The following CASP1 variants were observed in gnomAD, a reference collection of about 807,000 sequenced individuals.
The protein encoded by CASP1 is caspase-1.
CASP1 carries 31 observed loss-of-function variants against 41.2 expected under a neutral mutation model. The observed-to-expected ratio is 0.75, with a 90% CI of 0.57 to 1.02. CASP1 has a LOEUF of 1.02. Ranked by LOEUF, CASP1 falls within the 50% of genes least tolerant of loss-of-function variation. CASP1 has a pLI of 0.00. For missense variants in CASP1, 490 were observed against 495.7 expected, an observed-to-expected ratio of 0.99 and a Z score of 0.11; for synonymous variants, 163 against 166.5, an observed-to-expected ratio of 0.98 and a Z score of 0.16.
At chr11:105,027,037 G>T in intron 7 of CASP1, 86 bp from the exon 8 acceptor site, 1 of 805,992 alleles carries the variant, frequency 1.2e-6, no homozygotes, top group Admixed American at 1.8e-5. Context: ...TCCAGCTGAG[G>T]GATGTTTGAA....
intron 4 of CASP1, chr11:105,030,753 T>A (rs1213861778): frequency 6.8e-6 from 3 of 443,794 alleles, no homozygotes; most frequent in African/African-American, 6.1e-5. Flanking sequence ...TGCACAAGCT[T>A]TGAAGCAAAA....
chr11:105,029,894 C>A lies in CASP1; in HGVS notation c.633G>T (p.Met211Ile). Residue 211 changes from methionine to isoleucine, a missense_variant, in exon 6 of 9, where the codon ATG (methionine) becomes ATT (isoleucine). By Grantham distance (10) the Met-to-Ile change is conservative. Transcript: ENST00000533400. Reference sequence around the variant, plus strand: ...GTGCAAATGCCTCCAGCTCTGTAGTCATGTCCTGAAAGACACCATATCACT... The same window carrying A: ...GTGCAAATGCCTCCAGCTCTGTAGTAATGTCCTGAAAGACACCATATCACT... Reference protein sequence around the residue: ...DVKKNLTASDMTTELEAFAHR... With the variant: ...DVKKNLTASDITTELEAFAHR... 1 of 1,610,922 alleles carries A rather than the reference C, an allele frequency of 6.2e-7. No individual in the cohort carries two copies.
In CASP1 at chr11:105,030,337, G is replaced by A. The variant is rs373584770; in HGVS notation, c.620C>T (p.Thr207Ile). The change falls in exon 5 of 9, where the codon ACT (threonine) becomes ATT (isoleucine). Residue 207 changes from threonine to isoleucine, a missense_variant. By Grantham distance (89) the Thr-to-Ile change is moderately conservative (BLOSUM62 -1). Transcript: ENST00000533400. ...TTGTATAATAGAACTTACCGAAGCA[G>A]TGAGATTTTTTTTCACATCTACGCT... Reference protein sequence around the residue: ...GYSVDVKKNLTASDMTTELEA... With the variant: ...GYSVDVKKNLIASDMTTELEA... 6.2e-6 allele frequency: 10 copies of A among 1,611,562 alleles called. No homozygotes were observed. Among genetic ancestry groups the A allele is most frequent in the Non-Finnish European group, 8.5e-6 (10 of 1,178,720 alleles).
intron 7 of CASP1, among the ~76,000 whole-genome samples, chr11:105,028,496 T>G (rs1209571530): frequency 6.6e-6 from 1 of 152,116 alleles, no homozygotes; most frequent in African/African-American, 2.4e-5. Flanking sequence ...TTCAAATATA[T>G]TAATTTATTA....
Position 105,033,072 on chromosome 11 carries a change from GA to G in CASP1, c.328del (p.Ser110ProfsTer29). 6.3e-7 allele frequency: 1 copy of G among 1,576,226 alleles called. No homozygotes were observed. The highest frequency in any genetic ancestry group is 8.7e-7 in the Non-Finnish European group (1 of 1,147,674). On this transcript the variant is annotated frameshift_variant, in exon 3 of 9. Transcript: ENST00000533400. LOFTEE classifies it high-confidence loss of function. The stretch of plus-strand genomic sequence containing the variant: ...TTTAAAAACAGCATTACCTGGAAAG[GA>G]AGAAAGTACTCCTTGAGAGTCTTGC... ...NMQDSQGVLS[S>X]FPAPQAVQDN...
In CASP1 at chr11:105,026,157, T is replaced by C. The variant is rs1466446905; in HGVS notation, c.*101A>G. ...GGATTCTCAGCCTGTAAACCTAGAG[T>C]TCTTGACTCAAATGGACTTTCAGTA... On this transcript the variant is annotated 3_prime_UTR_variant, in exon 9 of 9. Transcript: ENST00000533400. 2.1e-5 allele frequency: 15 copies of C among 717,892 alleles called. No individual in the cohort carries two copies. The highest frequency in any genetic ancestry group is 2.6e-5 in the Non-Finnish European group (11 of 421,402). 44.5% of individuals were successfully genotyped at this position (717,892 alleles called of 1,614,324 possible).
intron 5 of CASP1, 80 bp from the exon 6 acceptor site, chr11:105,029,979 A>T: frequency 9.1e-7 from 1 of 1,097,218 alleles, no homozygotes; most frequent in Non-Finnish European, 1.4e-6. Context: ...ATAAATACTT[A>T]AGGAGTTTCT....
intron 5 of CASP1, 66 bp from the exon 6 acceptor site, chr11:105,029,965 A>G (rs568182657): frequency 1.7e-6 from 2 of 1,180,800 alleles, no homozygotes; most frequent in East Asian, 4.7e-5. Context: ...TGGAAAGTCA[A>G]TAAATAAATA....
chr11:105,026,460 G>A (rs1473327918), intron 8 of CASP1, 104 bp from the exon 9 acceptor site: 37 of 717,728 alleles, frequency 5.2e-5, no homozygotes, highest in Middle Eastern at 2.4e-4. Context: ...AGCAAAATAA[G>A]TGACAAAAAC....
chr11:105,035,242 C>T (rs977473022), upstream of CASP1: 20 of 1,291,900 alleles, frequency 1.5e-5, no homozygotes, highest in Non-Finnish European at 2.2e-5. Flanking sequence ...ATTTTTCTTC[C>T]CATTAAAGAA....
intron 7 of CASP1, among the ~76,000 whole-genome samples, chr11:105,028,329 C>G (rs182546897): frequency 6.6e-6 from 1 of 152,004 alleles, no homozygotes; most frequent in Non-Finnish European, 1.5e-5. Flanking sequence ...GAATGCAAGT[C>G]CTCTCAGGAA....
At chr11:105,028,691 CT>C (rs1232670230) in intron 7 of CASP1, among the ~76,000 whole-genome samples, 1 of 152,064 alleles carries the variant, frequency 6.6e-6, no homozygotes, top group African/African-American at 2.4e-5. Context: ...ACACTTCATG[CT>C]TCTAGGTAAA....
At chr11:105,035,551 C>T (rs1024570850), upstream of CASP1, among the ~76,000 whole-genome samples, 5 of 150,096 alleles carry the variant, frequency 3.3e-5, no homozygotes, top group Non-Finnish European at 3.0e-5. Context: ...GAAATAGAAA[C>T]ATTTTTCACC....
chr11:105,034,442 T>A lies in CASP1; in HGVS notation c.40A>T (p.Ile14Phe). ...KVLKEKRKLF[I>F]RSMGEGTING... ...ATTGTACCTTCACCCATGGAACGGA[T>A]AAACAGCTTTCTCTTCTCCTTCAGG... Residue 14 changes from isoleucine (I) to phenylalanine (F), a missense_variant, in exon 2 of 9, where the codon ATC becomes TTC. Ile to Phe is a conservative substitution (Grantham distance 21). Transcript: ENST00000533400. The A allele has an allele frequency of 6.2e-7, 1 of 1,614,142 alleles. No individual in the cohort carries two copies. Among genetic ancestry groups the A allele is most frequent in the Non-Finnish European group, 8.5e-7 (1 of 1,179,992 alleles).
At chr11:105,026,706 A>C in intron 8 of CASP1, 136 bp downstream of exon 8, 1 of 636,686 alleles carries the variant, frequency 1.6e-6, no homozygotes, top group East Asian at 2.7e-5. Flanking sequence ...CCACTCTCCA[A>C]AGAACTCCAA....
chr11:105,032,349 G>A (rs547672150), intron 3 of CASP1, among the ~76,000 whole-genome samples: 55 of 152,216 alleles, frequency 3.6e-4, no homozygotes, highest in Middle Eastern at 3.4e-3. Context: ...TTTTTTCATA[G>A]TAGAGAATAC....
intron 7 of CASP1, among the ~76,000 whole-genome samples, chr11:105,027,768 T>C (rs537741501): frequency 6.6e-6 from 1 of 152,214 alleles, no homozygotes; most frequent in East Asian, 1.9e-4. Flanking sequence ...GTGAAAGATA[T>C]CGTGGAGACA....
In CASP1 at chr11:105,034,120, T is replaced by C. The variant is rs1296918618; in HGVS notation, c.274+88A>G. 4 of 1,607,956 alleles carry C rather than the reference T, an allele frequency of 2.5e-6. No homozygotes were observed. In the East Asian group the frequency reaches 8.9e-5, roughly 36 times the overall value. On this transcript the variant is annotated intron_variant, in intron 2 of 8. Coordinates refer to ENST00000533400, the MANE Select transcript of CASP1 (RefSeq NM_001257118.3). ...TGAAGCCAGAAATAAGAAAGTTTTC[T>C]TCCAATTAACATGACTAGTAAAGAA...
upstream of CASP1, among the ~76,000 whole-genome samples, chr11:105,035,616 C>CTTTTTT (rs770202897): frequency 0.061 from 3,158 of 51,884 alleles, 226 homozygotes; most frequent in African/African-American, 0.15. Flanking sequence ...TTTTTTCTTT[C>CTTTTTT]TGTTTTTTTT....
Sources: allele counts gnomAD v4.1 joint callset (sites outside exome capture counted in the v4.1 genomes callset), GRCh38; gene constraint gnomAD v4.1.1; transcripts MANE v1.5; gene names NCBI Gene and HGNC (gene_info 2026-07-23, HGNC 2026-07-21).